The following MCTP2 variants were observed in gnomAD, a reference collection of about 807,000 sequenced individuals.
The protein encoded by MCTP2 is multiple C2 and transmembrane domain containing 2, also known as multiple C2 and transmembrane domain-containing protein 2.
MCTP2 carries 132 observed loss-of-function variants against 111.6 expected under a neutral mutation model. The ratio of observed to expected loss-of-function variants is 1.18; its 90% CI spans 1.03 to 1.37. The LOEUF (loss-of-function observed/expected upper bound fraction) is 1.37, where lower values mean the gene tolerates loss of function less well. Ranked by LOEUF, MCTP2 falls within the 40% of genes most tolerant of loss-of-function variation. The pLI, the probability that MCTP2 is intolerant of heterozygous loss-of-function variation, is 0.00. For missense variants in MCTP2, 1,183 were observed against 1,067.9 expected, an observed-to-expected ratio of 1.11 and a Z score of -1.50; for synonymous variants, 395 against 387.7, an observed-to-expected ratio of 1.02 and a Z score of -0.22.
chr15:94,236,606 ATGCCAGC>A (rs1337481135), intron 1 of MCTP2, among the ~76,000 whole-genome samples: 1 of 152,070 alleles, frequency 6.6e-6, no homozygotes, highest in Non-Finnish European at 1.5e-5. Flanking sequence ...AATTCTGAGA[ATGCCAGC>A]TGTGTCATCT....
At chr15:94,333,092 G>T (rs183495473) in intron 4 of MCTP2, among the ~76,000 whole-genome samples, 1 of 152,020 alleles carries the variant, frequency 6.6e-6, no homozygotes, top group Non-Finnish European at 1.5e-5. Context: ...AAAATTAGCC[G>T]GGCCTGGTGG....
chr15:94,371,680 G>A (rs754938873), intron 12 of MCTP2, among the ~76,000 whole-genome samples: 5 of 152,068 alleles, frequency 3.3e-5, no homozygotes, highest in South Asian at 2.1e-4. Flanking sequence ...ACATCCATAT[G>A]TGGAAACCCT....
At chr15:94,405,479 A>G (rs1199388683) in intron 17 of MCTP2, among the ~76,000 whole-genome samples, 1 of 152,216 alleles carries the variant, frequency 6.6e-6, no homozygotes, top group Non-Finnish European at 1.5e-5. Flanking sequence ...CTAGGTCCGC[A>G]TGGTGTCTCG....
intron 19 of MCTP2, 90 bp downstream of exon 19, chr15:94,443,050 T>C (rs1223761041): frequency 8.1e-5 from 64 of 793,606 alleles, no homozygotes; most frequent in Admixed American, 3.9e-4. Flanking sequence ...CTCCTCTCTT[T>C]TTTTTTTTTT....
At chr15:94,351,691 G>A (rs1373125192) in intron 8 of MCTP2, among the ~76,000 whole-genome samples, 3 of 152,166 alleles carry the variant, frequency 2.0e-5, no homozygotes, top group South Asian at 2.1e-4. Flanking sequence ...TCTGGTCAGT[G>A]CCTTTTCTTA....
chr15:94,384,145 A>G (rs2080317542), intron 13 of MCTP2, 21 bp downstream of exon 13: 1 of 1,548,514 alleles, frequency 6.5e-7, no homozygotes, highest in Non-Finnish European at 8.9e-7. Context: ...TAGCCTCTGG[A>G]ATTATTTCTG....
At chr15:94,365,445 G>A (rs1187399582) in intron 10 of MCTP2, among the ~76,000 whole-genome samples, 2 of 152,186 alleles carry the variant, frequency 1.3e-5, no homozygotes, top group Non-Finnish European at 2.9e-5. Flanking sequence ...GTGAAAATGT[G>A]TAATTTTGAG....
At chr15:94,360,673 T>A (rs2078881742) in intron 10 of MCTP2, among the ~76,000 whole-genome samples, 1 of 152,176 alleles carries the variant, frequency 6.6e-6, no homozygotes, top group Non-Finnish European at 1.5e-5. Context: ...AGGAAACGCT[T>A]TTCCAAATGA....
intron 1 of MCTP2, among the ~76,000 whole-genome samples, chr15:94,276,124 GT>G (rs1567315657): frequency 6.6e-6 from 1 of 152,116 alleles, no homozygotes; most frequent in Non-Finnish European, 1.5e-5. Flanking sequence ...GATTACAGGT[GT>G]GAGCCACCGT....
At chr15:94,345,460 A>G (rs989078756) in intron 8 of MCTP2, among the ~76,000 whole-genome samples, 1 of 152,220 alleles carries the variant, frequency 6.6e-6, no homozygotes, top group Non-Finnish European at 1.5e-5. Flanking sequence ...GGTTAGATTT[A>G]GTCCCTTTAG....
rs78184346 is a variant in MCTP2 at position 94,380,976 on chromosome 15, G to A, written c.1583-3046G>A. Reference sequence around the variant, plus strand: ...AGTGCAAAGTGCTAAACCTCAATGTGAAACTGAATTGTCAGTGGCATAAAT... The same window carrying A: ...AGTGCAAAGTGCTAAACCTCAATGTAAAACTGAATTGTCAGTGGCATAAAT... On this transcript the variant is annotated intron_variant, in intron 12 of 22. Coordinates refer to ENST00000357742, the MANE Select transcript of MCTP2 (RefSeq NM_001385001.1). Among the ~76,000 whole-genome samples, 390 of 152,336 alleles carry A rather than the reference G, an allele frequency of 2.6e-3. 7 individuals are homozygous for A. The East Asian group carries it at 0.037, about 14-fold the overall frequency.
intron 4 of MCTP2, among the ~76,000 whole-genome samples, chr15:94,326,920 GT>G (rs35641883): frequency 6.7e-6 from 1 of 149,506 alleles, no homozygotes; most frequent in Non-Finnish European, 1.5e-5. Flanking sequence ...GTGTTGTCTT[GT>G]TTTTTTCTTT....
At chr15:94,291,023 C>G (rs1289757100) in intron 1 of MCTP2, among the ~76,000 whole-genome samples, 1 of 152,196 alleles carries the variant, frequency 6.6e-6, no homozygotes. Context: ...TATCAACCAA[C>G]TGAATCTAAT....
Position 94,298,294 on chromosome 15 carries a change from G to C in MCTP2, c.29G>C (p.Gly10Ala), listed in dbSNP as rs367656045. The change falls in exon 2 of 23, where the codon GGC becomes GCC. Residue 10 changes from glycine to alanine, a missense_variant. Transcript: ENST00000357742. ...GATCTGGATAAACCATCTGTTTGGG[G>C]CTCATTAAAACAGCGGACCAGGCCA... MDLDKPSVW[G>A]SLKQRTRPLL... is the part of the protein sequence containing the mutation. 2 of 1,613,414 alleles carry C rather than the reference G, an allele frequency of 1.2e-6. No individual in the cohort carries two copies. The highest frequency in any genetic ancestry group is 1.7e-6 in the Non-Finnish European group (2 of 1,179,674).
At chr15:94,356,938 C>G (rs1053345428) in intron 9 of MCTP2, among the ~76,000 whole-genome samples, 6 of 151,800 alleles carry the variant, frequency 4.0e-5, no homozygotes, top group Admixed American at 3.9e-4. Flanking sequence ...GTCCCTAAAG[C>G]GTGATAATTA....
intron 16 of MCTP2, among the ~76,000 whole-genome samples, chr15:94,400,219 T>C (rs1401950028): frequency 6.6e-6 from 1 of 152,162 alleles, no homozygotes; most frequent in African/African-American, 2.4e-5. Context: ...AACATAATTC[T>C]TGGGTGAAAC....
chr15:94,454,550 C>T (rs577856416), intron 19 of MCTP2, among the ~76,000 whole-genome samples: 5 of 151,732 alleles, frequency 3.3e-5, no homozygotes, highest in South Asian at 2.1e-4. Flanking sequence ...TTTGAACCTT[C>T]GAAGATATCT....
At chr15:94,435,147 G>A (rs2083401749) in intron 17 of MCTP2, among the ~76,000 whole-genome samples, 1 of 152,084 alleles carries the variant, frequency 6.6e-6, no homozygotes, top group African/African-American at 2.4e-5. Flanking sequence ...TTACAGGCAT[G>A]AGCCACCGTA....
At chr15:94,384,519 C>T (rs1165721943) in intron 13 of MCTP2, among the ~76,000 whole-genome samples, 1 of 152,126 alleles carries the variant, frequency 6.6e-6, no homozygotes, top group Non-Finnish European at 1.5e-5. Flanking sequence ...CTTAGAGACC[C>T]CCAAAGGCTC....
Sources: allele counts gnomAD v4.1 joint callset (sites outside exome capture counted in the v4.1 genomes callset), GRCh38; gene constraint gnomAD v4.1.1; transcripts MANE v1.5; gene names NCBI Gene and HGNC (gene_info 2026-07-23, HGNC 2026-07-21).